The following TXNRD1 variants were observed in gnomAD, a reference collection of about 807,000 sequenced individuals.
TXNRD1 encodes the protein thioredoxin reductase 1, cytoplasmic.
In TXNRD1, 57 loss-of-function variants were observed where a neutral mutation model predicts 80.3. That is an observed-to-expected ratio of 0.71 (90% CI 0.57 to 0.89). TXNRD1 has a LOEUF of 0.89. Among genes scored for constraint, TXNRD1 ranks in the 40% least tolerant of loss-of-function variants. The pLI is 0.00. For synonymous variants in TXNRD1, 291 were observed against 285.2 expected (o/e 1.02, Z -0.20); for missense variants, 730 against 803.0 (o/e 0.91, Z 1.10).
intron 3 of TXNRD1, chr12:104,265,541 T>A (rs1451643570): frequency 2.9e-5 from 46 of 1,610,516 alleles, no homozygotes; most frequent in Non-Finnish European, 5.1e-6. Flanking sequence ...GTGAAGAACT[T>A]CAGGATCTGG....
At chr12:104,254,644 A>AAAAAAAAAAAAAAAAATAT in intron 2 of TXNRD1, among the ~76,000 whole-genome samples, 6 of 93,634 alleles carry the variant, frequency 6.4e-5, no homozygotes, top group East Asian at 2.7e-4. Flanking sequence ...AAAAAAAAAA[A>AAAAAAAAAAAAAAAAATAT]ATATATATAT....
intron 4 of TXNRD1, among the ~76,000 whole-genome samples, chr12:104,290,728 T>C (rs1274761692): frequency 9.2e-5 from 8 of 86,724 alleles, no homozygotes; most frequent in South Asian, 3.7e-4. Flanking sequence ...TACATATATA[T>C]ATATATATAT....
intron 1 of TXNRD1, among the ~76,000 whole-genome samples, chr12:104,240,328 CAT>C (rs541716015): frequency 1.0e-3 from 159 of 151,782 alleles, no homozygotes; most frequent in South Asian, 0.01. Context: ...AGTGTAACCA[CAT>C]GTCTTATTTC....
At chr12:104,275,979 T>C (rs2033749193) in intron 3 of TXNRD1, among the ~76,000 whole-genome samples, 1 of 152,194 alleles carries the variant, frequency 6.6e-6, no homozygotes, top group South Asian at 2.1e-4. Context: ...GTAACAGAAG[T>C]TGCCTAAGGG....
intron 1 of TXNRD1, among the ~76,000 whole-genome samples, chr12:104,227,984 G>A (rs1190666853): frequency 1.3e-5 from 2 of 152,038 alleles, no homozygotes; most frequent in Non-Finnish European, 2.9e-5. Flanking sequence ...GTTGCTATAA[G>A]CATTGGTATA....
At chr12:104,335,814 T>C (rs190789452) in intron 15 of TXNRD1, among the ~76,000 whole-genome samples, 37 of 152,316 alleles carry the variant, frequency 2.4e-4, no homozygotes, top group Non-Finnish European at 1.5e-5. Flanking sequence ...TGAATATAAT[T>C]AAGCCATGTA....
At chr12:104,308,534 T>C (rs567651669) in intron 4 of TXNRD1, among the ~76,000 whole-genome samples, 9 of 152,172 alleles carry the variant, frequency 5.9e-5, no homozygotes, top group Non-Finnish European at 1.2e-4. Flanking sequence ...ATGAATATTT[T>C]AAGTTTCTTC....
chr12:104,290,353 G>C (rs1593760043), intron 4 of TXNRD1, among the ~76,000 whole-genome samples: 1 of 152,074 alleles, frequency 6.6e-6, no homozygotes, highest in African/African-American at 2.4e-5. Context: ...GTGTTACTCA[G>C]ACCTTTAGTT....
intron 1 of TXNRD1, among the ~76,000 whole-genome samples, chr12:104,248,465 A>G (rs2033039209): frequency 6.6e-6 from 1 of 152,100 alleles, no homozygotes; most frequent in South Asian, 2.1e-4. Flanking sequence ...TCGTATTTTA[A>G]GTAGAGATGG....
intron 4 of TXNRD1, chr12:104,303,836 G>C (rs946101188): frequency 1.4e-6 from 2 of 1,434,310 alleles, no homozygotes; most frequent in East Asian, 5.0e-5. Context: ...GGTTGAAAAA[G>C]CTTCCCGGAA....
chr12:104,335,347 AC>A (rs2036100598), intron 15 of TXNRD1, among the ~76,000 whole-genome samples: 1 of 151,810 alleles, frequency 6.6e-6, no homozygotes, highest in Non-Finnish European at 1.5e-5. Context: ...GATTACAGGC[AC>A]CCACCACCAT....
chr12:104,217,577 T>G (rs923220988), intron 1 of TXNRD1, among the ~76,000 whole-genome samples: 4 of 152,190 alleles, frequency 2.6e-5, no homozygotes, highest in African/African-American at 9.7e-5. Context: ...CCCAAAGTGC[T>G]GGGATTACAG....
At chr12:104,315,500 T>TCAGC (rs959643035) in intron 6 of TXNRD1, among the ~76,000 whole-genome samples, 49 of 152,344 alleles carry the variant, frequency 3.2e-4, no homozygotes, top group African/African-American at 1.2e-3. Flanking sequence ...GGCATCTTTA[T>TCAGC]CAGCAGTCAG....
At chr12:104,314,558 C>T (rs954783570) in intron 6 of TXNRD1, among the ~76,000 whole-genome samples, 1 of 152,018 alleles carries the variant, frequency 6.6e-6, no homozygotes, top group East Asian at 1.9e-4. Flanking sequence ...ACTCTTATGT[C>T]ATTTTGGTCA....
At chr12:104,215,928 G>A in intron 1 of TXNRD1, 35 bp downstream of exon 1, 1 of 1,525,824 alleles carries the variant, frequency 6.6e-7, no homozygotes, top group Non-Finnish European at 8.9e-7. Flanking sequence ...TCCCCAGGTC[G>A]ACGGGCCGAA....
chr12:104,315,923 G>A lies in TXNRD1; in HGVS notation c.730+27G>A. On this transcript the variant is annotated intron_variant, in intron 7 of 16. Coordinates refer to ENST00000525566, the MANE Select transcript of TXNRD1 (RefSeq NM_001093771.3). ...TATGAGAGGGAAAAGCTACTCTTCT[G>A]TTTGTGCTTTTGGGGGTTTGAGCTG... is the stretch of plus-strand genomic sequence containing the variant. The A allele has an allele frequency of 1.9e-6, 3 of 1,596,078 alleles. No individual in the cohort carries two copies. In the South Asian group the frequency reaches 3.4e-5, roughly 18 times the overall value.
intron 4 of TXNRD1, among the ~76,000 whole-genome samples, chr12:104,305,482 C>T (rs560791222): frequency 6.6e-6 from 1 of 152,258 alleles, no homozygotes; most frequent in Non-Finnish European, 1.5e-5. Flanking sequence ...TGTTATTGTA[C>T]TCAGCAAAAG....
intron 4 of TXNRD1, among the ~76,000 whole-genome samples, chr12:104,299,004 A>C (rs970967163): frequency 1.3e-5 from 2 of 152,204 alleles, no homozygotes; most frequent in Non-Finnish European, 1.5e-5. Context: ...ATACATACTC[A>C]AGTCCCAAAG....
At chr12:104,308,467 A>G (rs987443541) in intron 4 of TXNRD1, among the ~76,000 whole-genome samples, 1 of 152,190 alleles carries the variant, frequency 6.6e-6, no homozygotes, top group Non-Finnish European at 1.5e-5. Context: ...TAATTAAAAA[A>G]TTTTTTAAAA....
Sources: allele counts gnomAD v4.1 joint callset (sites outside exome capture counted in the v4.1 genomes callset), GRCh38; gene constraint gnomAD v4.1.1; transcripts MANE v1.5; gene names NCBI Gene and HGNC (gene_info 2026-07-23, HGNC 2026-07-21).